The following PRDM16 variants were observed in gnomAD, a reference collection of about 807,000 sequenced individuals.
PRDM16 encodes the protein PR/SET domain 16, also known as histone-lysine N-methyltransferase PRDM16.
In PRDM16, 23 loss-of-function variants were observed where a neutral mutation model predicts 110.6. That is an observed-to-expected ratio of 0.21 (90% CI 0.15 to 0.29). The LOEUF (loss-of-function observed/expected upper bound fraction) is 0.29, where lower values mean the gene tolerates loss of function less well. Among genes scored for constraint, PRDM16 ranks in the 10% least tolerant of loss-of-function variants. PRDM16 has a pLI of 1.00. For missense variants in PRDM16, 1,615 were observed against 1,794.3 expected (o/e 0.90, Z 1.81); for synonymous variants, 799 against 781.8 (o/e 1.02, Z -0.37).
chr1:3,388,078 C>T (rs999418181), intron 4 of PRDM16, among the ~76,000 whole-genome samples: 1 of 152,240 alleles, frequency 6.6e-6, no homozygotes, highest in Non-Finnish European at 1.5e-5. Context: ...AAAAACTGCC[C>T]TGAAATATTA....
intron 3 of PRDM16, among the ~76,000 whole-genome samples, chr1:3,296,438 T>C (rs1436408622): frequency 6.6e-6 from 1 of 152,196 alleles, no homozygotes; most frequent in Non-Finnish European, 1.5e-5. Flanking sequence ...GAGGTAGGAA[T>C]GGGCACAGCC....
intron 1 of PRDM16, among the ~76,000 whole-genome samples, chr1:3,151,864 CT>C: frequency 6.6e-6 from 1 of 152,250 alleles, no homozygotes; most frequent in East Asian, 1.9e-4. Context: ...CCTGTGCCCC[CT>C]GTCTCTGGAG....
At chr1:3,221,070 G>A (rs1639140448) in intron 2 of PRDM16, among the ~76,000 whole-genome samples, 1 of 152,228 alleles carries the variant, frequency 6.6e-6, no homozygotes, top group African/African-American at 2.4e-5. Context: ...AGGGGGGACG[G>A]GTTGCCAGTG....
At chr1:3,414,756 C>A in intron 10 of PRDM16, 109 bp downstream of exon 10, 1 of 793,740 alleles carries the variant, frequency 1.3e-6, no homozygotes, top group Non-Finnish European at 2.1e-6. Flanking sequence ...CCCGTCCAGG[C>A]CATACCACGC....
At position 3,437,336 on chromosome 1, in the gene PRDM16, G is replaced by A; in HGVS notation, c.*3525G>A. The A allele has an allele frequency of 4.3e-6, 1 of 232,682 alleles. No individual in the cohort carries two copies. The highest frequency in any genetic ancestry group is 8.5e-6 in the Non-Finnish European group (1 of 117,648). 14.4% of individuals were successfully genotyped at this position (232,682 alleles called of 1,614,324 possible). On this transcript the variant is annotated 3_prime_UTR_variant, in exon 17 of 17. Coordinates refer to ENST00000270722, the MANE Select transcript of PRDM16 (RefSeq NM_022114.4). ...CTTCCCCGCTTCCCCATGAGCGTCT[G>A]CAAAACACTTGCCTGAATACATATC...
chr1:3,425,867 C>G lies in PRDM16; in HGVS notation c.3109+117C>G. 1 of 1,341,470 alleles carries G rather than the reference C, an allele frequency of 7.5e-7. No individual in the cohort carries two copies. The highest frequency in any genetic ancestry group is 1.0e-6 in the Non-Finnish European group (1 of 975,498). 83.1% of individuals were successfully genotyped at this position (1,341,470 alleles called of 1,614,324 possible). ...GCAGGGAAGAGGGCCACAGACTACC[C>G]CTCAGGAAGCCAACAGGCACCCCTC... is the stretch of plus-strand genomic sequence containing the variant. On this transcript the variant is annotated intron_variant, in intron 13 of 16. Transcript: ENST00000270722. The surrounding 1 kb of genome is among the most constrained non-coding windows in gnomAD (Gnocchi z 6.9).
intron 2 of PRDM16, among the ~76,000 whole-genome samples, chr1:3,227,710 C>T (rs1639321257): frequency 6.6e-6 from 1 of 152,214 alleles, no homozygotes; most frequent in African/African-American, 2.4e-5. Context: ...CCAGGCTGCC[C>T]GTCTCCGCCA....
chr1:3,434,743 A>T lies in PRDM16; in HGVS notation c.*932A>T. The T allele has an allele frequency of 1.3e-5, 3 of 232,408 alleles. No homozygotes were observed. The East Asian group carries it at 1.8e-4, about 14-fold the overall frequency. 14.4% of individuals were successfully genotyped at this position (232,408 alleles called of 1,614,324 possible). A position where few individuals can be genotyped will look rare whatever the true frequency, so the allele number is the denominator to read the frequency against. ...GGGAAGTCGAGGGCCTGTGGCTTGGATCCGCCATGCAGAGATGTGGCCGGG... is the reference window on the plus strand; with the variant it reads ...GGGAAGTCGAGGGCCTGTGGCTTGGTTCCGCCATGCAGAGATGTGGCCGGG... On this transcript the variant is annotated 3_prime_UTR_variant, in exon 17 of 17. Coordinates refer to ENST00000270722, the MANE Select transcript of PRDM16 (RefSeq NM_022114.4).
chr1:3,275,126 G>C (rs991153698), intron 3 of PRDM16, among the ~76,000 whole-genome samples: 3 of 152,228 alleles, frequency 2.0e-5, no homozygotes, highest in Admixed American at 6.5e-5. Context: ...CCAGGCACTG[G>C]GAGCAGGAGG....
At chr1:3,137,390 G>A (rs1437706717) in intron 1 of PRDM16, among the ~76,000 whole-genome samples, 1 of 152,244 alleles carries the variant, frequency 6.6e-6, no homozygotes, top group Non-Finnish European at 1.5e-5. Flanking sequence ...CTCATCATGT[G>A]TGAGAGAGAG....
At chr1:3,147,034 T>G (rs1643683261) in intron 1 of PRDM16, among the ~76,000 whole-genome samples, 1 of 132,162 alleles carries the variant, frequency 7.6e-6, no homozygotes, top group African/African-American at 3.0e-5. Context: ...GTGTGCTCGG[T>G]GTGGGGTGTG....
At chr1:3,091,363 G>A (rs904622819) in intron 1 of PRDM16, among the ~76,000 whole-genome samples, 4 of 152,074 alleles carry the variant, frequency 2.6e-5, no homozygotes, top group African/African-American at 4.8e-5. Flanking sequence ...AGCCAGGCCC[G>A]CACCGAGACG....
intron 1 of PRDM16, among the ~76,000 whole-genome samples, chr1:3,095,199 C>T (rs532768908): frequency 3.9e-5 from 6 of 152,362 alleles, no homozygotes; most frequent in Admixed American, 6.5e-5. Flanking sequence ...CCTCCCCAAC[C>T]GCCAGTCCAA....
intron 4 of PRDM16, among the ~76,000 whole-genome samples, chr1:3,386,468 A>G (rs1185433071): frequency 1.3e-5 from 2 of 152,228 alleles, no homozygotes. Flanking sequence ...GTGGAGCAGA[A>G]TCTCCATCGA....
chr1:3,231,666 A>C (rs925916720), intron 2 of PRDM16, among the ~76,000 whole-genome samples: 1 of 152,238 alleles, frequency 6.6e-6, no homozygotes, highest in African/African-American at 2.4e-5. Context: ...GAGCCCCTGA[A>C]GGCATCCTCC....
intron 3 of PRDM16, among the ~76,000 whole-genome samples, chr1:3,321,541 T>G (rs2100455969): frequency 6.6e-6 from 1 of 151,306 alleles, no homozygotes; most frequent in South Asian, 2.1e-4. Flanking sequence ...TGTGTGTATG[T>G]ACGTTTGTGT....
chr1:3,377,337 T>C (rs552718777), intron 3 of PRDM16, among the ~76,000 whole-genome samples: 10 of 152,258 alleles, frequency 6.6e-5, no homozygotes, highest in African/African-American at 2.2e-4. Context: ...AAGCTGATGA[T>C]GGATGCTGCG....
rs1038946755 is a variant in PRDM16 at position 3,358,017 on chromosome 1, G to A, written c.439-27135G>A. On this transcript the variant is annotated intron_variant, in intron 3 of 16. Coordinates refer to ENST00000270722, the MANE Select transcript of PRDM16 (RefSeq NM_022114.4). This position sits in a 1 kb window ranked among gnomAD's most constrained non-coding sequence, Gnocchi z 4.0. ...TGCTGTGCCCTTCACTGACATGCTC[G>A]CCCATGAGCTGAGTCTGCCTTGACC... is the stretch of plus-strand genomic sequence containing the variant. Among the ~76,000 whole-genome samples the A allele has an allele frequency of 2.0e-5, 3 of 152,230 alleles. No individual in the cohort carries two copies. Among genetic ancestry groups the A allele is most frequent in the South Asian group, 2.1e-4 (1 of 4,832 alleles).
At chr1:3,087,697 G>A (rs1305750020) in intron 1 of PRDM16, among the ~76,000 whole-genome samples, 1 of 152,114 alleles carries the variant, frequency 6.6e-6, no homozygotes, top group Admixed American at 6.5e-5. Context: ...AGGGATGGCC[G>A]GTGGCCCTCG....
Sources: allele counts gnomAD v4.1 joint callset (sites outside exome capture counted in the v4.1 genomes callset), GRCh38; gene constraint gnomAD v4.1.1; non-coding constraint Gnocchi (gnomAD v3.1); transcripts MANE v1.5; gene names NCBI Gene and HGNC (gene_info 2026-07-23, HGNC 2026-07-21).